Variants in CFAP206 observed in about 807,000 individuals in gnomAD.
CFAP206 encodes the protein cilia and flagella associated protein 206.
A neutral mutation model predicts 65.4 loss-of-function variants in CFAP206; 53 were observed. The ratio of observed to expected loss-of-function variants is 0.81; its 90% CI spans 0.65 to 1.02. The LOEUF (loss-of-function observed/expected upper bound fraction) is 1.02. Ranked by LOEUF, CFAP206 falls within the 50% of genes least tolerant of loss-of-function variation. The probability of loss-of-function intolerance (pLI) is 0.00; values close to 1 mark genes in which losing one functional copy is unlikely to be tolerated. For missense variants in CFAP206, 663 were observed against 753.2 expected (o/e 0.88, Z 1.40); for synonymous variants, 250 against 254.4 (o/e 0.98, Z 0.17).
chr6:87,432,078 G>C (rs981232026), intron 10 of CFAP206, among the ~76,000 whole-genome samples: 11 of 152,126 alleles, frequency 7.2e-5, no homozygotes, highest in African/African-American at 2.7e-4. Flanking sequence ...GCCTGCCAGG[G>C]CTAGAATGAA....
rs1457612490 is a variant in CFAP206 at position 87,423,415 on chromosome 6, AT to A, written c.841-3105del. 8.5e-4 allele frequency among the ~76,000 whole-genome samples: 128 copies of A among 150,272 alleles called. 1 individual carries two copies. Among genetic ancestry groups the A allele is most frequent in the Middle Eastern group, 7.1e-3 (2 of 280 alleles). On this transcript the variant is annotated intron_variant, in intron 7 of 12. Coordinates refer to ENST00000369562, the MANE Select transcript of CFAP206 (RefSeq NM_001031743.3). ...AGGCGCCCGCCACCACGTCCGGCTA[AT>A]TTTTTGTACTCTTAGTAGAGATGGG...
rs115297472 is a variant in CFAP206 at position 87,431,377 on chromosome 6, T to G, written c.1300+204T>G. On this transcript the variant is annotated intron_variant, in intron 10 of 12. Coordinates refer to ENST00000369562, the MANE Select transcript of CFAP206 (RefSeq NM_001031743.3). ...ACATAAGCAAGAAATTATAAGTGAT[T>G]AGTAATGGAAAGTGTATATGTGTTA... Among the ~76,000 whole-genome samples, 1,219 of 152,298 alleles carry G rather than the reference T, an allele frequency of 8.0e-3. 21 individuals are homozygous for G. The highest frequency in any genetic ancestry group is 0.028 in the African/African-American group (1,145 of 41,540).
intron 8 of CFAP206, 83 bp downstream of exon 8, chr6:87,426,728 T>C (rs1008100810): frequency 2.9e-6 from 3 of 1,033,828 alleles, no homozygotes; most frequent in Non-Finnish European, 3.9e-6. Flanking sequence ...ATTATAATTA[T>C]ATTTAATTTC....
At chr6:87,455,767 A>G (rs1346816175) in intron 11 of CFAP206, among the ~76,000 whole-genome samples, 2 of 152,202 alleles carry the variant, frequency 1.3e-5, no homozygotes, top group Non-Finnish European at 2.9e-5. Flanking sequence ...CCCAGAAGAA[A>G]TAAATTCATA....
chr6:87,418,166 T>G (rs375225728), intron 6 of CFAP206, 42 bp from the exon 7 acceptor site: 45 of 1,569,168 alleles, frequency 2.9e-5, no homozygotes, highest in Non-Finnish European at 3.9e-5. Flanking sequence ...TTAATTGTTT[T>G]TAGTCTCCTT....
chr6:87,426,336 C>A (rs1482986409), intron 7 of CFAP206, among the ~76,000 whole-genome samples, 190 bp from the exon 8 acceptor site: 1 of 152,140 alleles, frequency 6.6e-6, no homozygotes. Flanking sequence ...TCATCCATCT[C>A]ACAAATATCT....
At chr6:87,441,099 G>A (rs1768353358) in intron 11 of CFAP206, 1 of 158,394 alleles carries the variant, frequency 6.3e-6, no homozygotes, top group Non-Finnish European at 1.4e-5. Flanking sequence ...CATGGCCCTA[G>A]GGTATCAGTC....
rs1440943843 is a variant in CFAP206 at position 87,464,272 on chromosome 6, A to G, written c.*22A>G. On this transcript the variant is annotated 3_prime_UTR_variant, in exon 13 of 13. Coordinates refer to ENST00000369562, the MANE Select transcript of CFAP206 (RefSeq NM_001031743.3). ...CTAATTACAGACAACGTTTTAAAAT[A>G]GATGCTACTCAATTATGAACAATAG... is the stretch of plus-strand genomic sequence containing the variant. The G allele has an allele frequency of 3.8e-6, 6 of 1,581,268 alleles. No individual in the cohort carries two copies. Among genetic ancestry groups the G allele is most frequent in the Non-Finnish European group, 5.2e-6 (6 of 1,153,488 alleles).
intron 12 of CFAP206, among the ~76,000 whole-genome samples, 160 bp downstream of exon 12, chr6:87,461,325 A>G (rs530854950): frequency 1.3e-5 from 2 of 152,206 alleles, no homozygotes; most frequent in Non-Finnish European, 1.5e-5. Flanking sequence ...GGTTTACATT[A>G]TAAGATTGTC....
chr6:87,459,372 A>G (rs1030491385), intron 11 of CFAP206, among the ~76,000 whole-genome samples: 6 of 152,118 alleles, frequency 3.9e-5, no homozygotes, highest in African/African-American at 1.4e-4. Flanking sequence ...TGTCAGAAAA[A>G]TTGTGAGTTA....
intron 3 of CFAP206, among the ~76,000 whole-genome samples, chr6:87,411,807 A>G (rs1221483492): frequency 6.6e-6 from 1 of 152,354 alleles, no homozygotes; most frequent in East Asian, 1.9e-4. Flanking sequence ...GACTTTGTCA[A>G]AGATCACCTG....
chr6:87,428,918 A>C, intron 9 of CFAP206, 94 bp downstream of exon 9: 1 of 1,216,964 alleles, frequency 8.2e-7, no homozygotes. Flanking sequence ...TCTTTCTGAT[A>C]AAGCATTAAA....
intron 5 of CFAP206, 109 bp downstream of exon 5, chr6:87,415,983 G>GAAA: frequency 4.2e-5 from 23 of 543,666 alleles, no homozygotes; most frequent in South Asian, 1.7e-4. Flanking sequence ...CTTTTTATCT[G>GAAA]AAAAAAAAAA....
chr6:87,413,471 G>T (rs1194720453), intron 3 of CFAP206, among the ~76,000 whole-genome samples: 3 of 152,156 alleles, frequency 2.0e-5, no homozygotes, highest in African/African-American at 7.2e-5. Flanking sequence ...ACTTGGGAGG[G>T]TGAGAGGGGA....
Position 87,412,860 on chromosome 6 carries a change from A to C in CFAP206, c.193-950A>C, listed in dbSNP as rs574240151. On this transcript the variant is annotated intron_variant, in intron 3 of 12. Coordinates refer to ENST00000369562, the MANE Select transcript of CFAP206 (RefSeq NM_001031743.3). ...ATTTTTAGTAGAGACGGGTTTCACC[A>C]TGTTGACCAGGCTGGTCTCGAACTC... Among the ~76,000 whole-genome samples the C allele has an allele frequency of 1.2e-4, 18 of 152,180 alleles. No individual in the cohort carries two copies. The South Asian group carries it at 3.7e-3, about 32-fold the overall frequency.
intron 3 of CFAP206, among the ~76,000 whole-genome samples, chr6:87,413,294 C>G (rs879696291): frequency 2.5e-4 from 38 of 152,208 alleles, no homozygotes; most frequent in Admixed American, 1.8e-3. Context: ...TTTTATTGAG[C>G]CATAAAAAAT....
chr6:87,441,179 G>T, intron 11 of CFAP206: 2 of 295,548 alleles, frequency 6.8e-6, no homozygotes, highest in Non-Finnish European at 1.1e-5. Flanking sequence ...CTCTGCTGTT[G>T]GCTGCTTCTT....
chr6:87,414,743 T>A (rs2127947605), intron 4 of CFAP206, among the ~76,000 whole-genome samples: 1 of 152,328 alleles, frequency 6.6e-6, no homozygotes, highest in Non-Finnish European at 1.5e-5. Context: ...CTCTACTGTA[T>A]AGTACAATCA....
At chr6:87,456,858 C>A (rs1768651458) in intron 11 of CFAP206, among the ~76,000 whole-genome samples, 1 of 151,938 alleles carries the variant, frequency 6.6e-6, no homozygotes, top group Non-Finnish European at 1.5e-5. Flanking sequence ...ATGAAAGAAA[C>A]TGAGGTTGGC....
Sources: allele counts gnomAD v4.1 joint callset (sites outside exome capture counted in the v4.1 genomes callset), GRCh38; gene constraint gnomAD v4.1.1; transcripts MANE v1.5; gene names NCBI Gene and HGNC (gene_info 2026-07-23, HGNC 2026-07-21).